The following LRRC75A variants were observed in gnomAD, a reference collection of about 807,000 sequenced individuals.
LRRC75A encodes the protein leucine rich repeat containing 75A, also known as leucine-rich repeat-containing protein 75A.
LRRC75A carries 12 observed loss-of-function variants against 26.0 expected under a neutral mutation model. That is an observed-to-expected ratio of 0.46 (90% confidence interval 0.30 to 0.75). The LOEUF is 0.75. Among genes scored for constraint, LRRC75A ranks in the 30% least tolerant of loss-of-function variants. LRRC75A has a pLI of 0.08. For missense variants in LRRC75A, 410 were observed against 486.6 expected (o/e 0.84, Z 1.48); for synonymous variants, 223 against 219.3 (o/e 1.02, Z -0.15).
At chr17:16,469,407 C>T (rs536651040) in intron 1 of LRRC75A, among the ~76,000 whole-genome samples, 1 of 152,188 alleles carries the variant, frequency 6.6e-6, no homozygotes, top group Non-Finnish European at 1.5e-5. Context: ...AGATCATTTT[C>T]AGAGGTCGGG....
intron 2 of LRRC75A, among the ~76,000 whole-genome samples, chr17:16,459,536 G>A (rs2143072876): frequency 6.6e-6 from 1 of 152,336 alleles, no homozygotes; most frequent in Non-Finnish European, 1.5e-5. Flanking sequence ...TGGGAGAGGG[G>A]AGCTCAAGAG....
chr17:16,449,733 C>T (rs1286333229), intron 2 of LRRC75A, among the ~76,000 whole-genome samples: 1 of 152,238 alleles, frequency 6.6e-6, no homozygotes, highest in Non-Finnish European at 1.5e-5. Flanking sequence ...TCTCCTGCCT[C>T]AGCCTCCCGA....
At chr17:16,455,748 A>C (rs777874227) in intron 2 of LRRC75A, among the ~76,000 whole-genome samples, 1 of 152,204 alleles carries the variant, frequency 6.6e-6, no homozygotes, top group South Asian at 2.1e-4. Flanking sequence ...AAAGAACTTA[A>C]ATAGATGGGC....
chr17:16,469,771 G>C (rs542978459), intron 1 of LRRC75A, among the ~76,000 whole-genome samples: 1 of 152,230 alleles, frequency 6.6e-6, no homozygotes, highest in Non-Finnish European at 1.5e-5. Flanking sequence ...CCACTGGCTG[G>C]CTGCACTGGA....
chr17:16,452,155 T>G (rs2093637109), intron 2 of LRRC75A, among the ~76,000 whole-genome samples: 1 of 101,038 alleles, frequency 9.9e-6, no homozygotes, highest in Non-Finnish European at 2.0e-5. Context: ...AGTTCAAGAC[T>G]ACCCTGGGCA....
chr17:16,444,042 G>A lies in LRRC75A; in HGVS notation c.581C>T (p.Thr194Ile), dbSNP rs1340735107. ...PLTSRDLERV[T>I]SYLQRCGEQV... is the part of the protein sequence containing the mutation. ...CTCCCCACAGCGCTGTAGGTAGCTG[G>A]TCACCCGCTCCAGGTCTCGGGAGGT... Residue 194 changes from threonine to isoleucine, a missense_variant, in exon 4 of 4, where the codon ACC (threonine) becomes ATC (isoleucine). By Grantham distance (89) the Thr-to-Ile change is moderately conservative. Coordinates refer to ENST00000470794, the MANE Select transcript of LRRC75A (RefSeq NM_001113567.3). 1.2e-6 allele frequency: 2 copies of A among 1,613,486 alleles called. No individual in the cohort carries two copies. The highest frequency in any genetic ancestry group is 2.7e-5 in the African/African-American group (2 of 74,900).
intron 1 of LRRC75A, chr17:16,464,036 G>A (rs2093748759): frequency 6.6e-6 from 1 of 152,302 alleles, no homozygotes; most frequent in Non-Finnish European, 1.5e-5. Flanking sequence ...AGCCTCTTGT[G>A]GGGAGCCCCT....
intron 2 of LRRC75A, among the ~76,000 whole-genome samples, chr17:16,458,255 C>T (rs1313509536): frequency 1.3e-5 from 2 of 151,226 alleles, no homozygotes; most frequent in African/African-American, 2.4e-5. Flanking sequence ...TGCAGCGAGT[C>T]GAGATTGCGC....
chr17:16,480,755 G>A (rs959937431), intron 1 of LRRC75A, among the ~76,000 whole-genome samples: 1 of 152,140 alleles, frequency 6.6e-6, no homozygotes, highest in Non-Finnish European at 1.5e-5. Context: ...CTGCTACAGG[G>A]AAGGGGCAGC....
At position 16,443,816 on chromosome 17, in the gene LRRC75A, G is replaced by C. The variant is rs1053166631; in HGVS notation, c.807C>G (p.Gly269=). The change falls in exon 4 of 4, where the codon GGC becomes GGG. Residue 269 remains glycine (G), a synonymous_variant. Transcript: ENST00000470794. The stretch of plus-strand genomic sequence containing the variant: ...GCAAGGAGAAGATGTCCACGTTGTT[G>C]CCCAGGTCAATCCACGTGACATTGG... ...KFPNVTWIDL[G]NNVDIFSLPQ... 3 of 1,614,030 alleles carry C rather than the reference G, an allele frequency of 1.9e-6. No homozygotes were observed. The highest frequency in any genetic ancestry group is 3.3e-5 in the Admixed American group (2 of 60,028).
chr17:16,455,710 C>T lies in LRRC75A; in HGVS notation c.375+6548G>A, dbSNP rs752648233. Among the ~76,000 whole-genome samples, 5 of 152,132 alleles carry T rather than the reference C, an allele frequency of 3.3e-5. No individual in the cohort carries two copies. In the East Asian group the frequency reaches 5.8e-4, roughly 18 times the overall value. On this transcript the variant is annotated intron_variant, in intron 2 of 3. Transcript: ENST00000470794. ...ATGAGACAGGTATTATTAATAACCC[C>T]GCTTTACAAATGAGGGAACTGAGGC...
At chr17:16,480,433 C>A (rs1019604190) in intron 1 of LRRC75A, among the ~76,000 whole-genome samples, 2 of 152,036 alleles carry the variant, frequency 1.3e-5, no homozygotes, top group African/African-American at 4.8e-5. Context: ...AGTTCGAGAC[C>A]AGCCTGAGCA....
chr17:16,484,060 G>C (rs367744480), intron 1 of LRRC75A, among the ~76,000 whole-genome samples: 1 of 152,044 alleles, frequency 6.6e-6, no homozygotes, highest in East Asian at 1.9e-4. Flanking sequence ...TAATGAGGCC[G>C]GGTACAGTGG....
intron 1 of LRRC75A, among the ~76,000 whole-genome samples, chr17:16,465,451 G>A (rs534436953): frequency 1.2e-4 from 18 of 152,254 alleles, no homozygotes; most frequent in Non-Finnish European, 2.2e-4. Context: ...GGCTGCGGTA[G>A]ACGAGAGAGG....
chr17:16,443,572 GCCCTT>G lies in LRRC75A; in HGVS notation c.*11_*15del. ...TACCCAACAAGGACTCCCTGGTGAG[GCCCTT>G]CACTTCCATGTCACGTCTGAGCTGC... On this transcript the variant is annotated 3_prime_UTR_variant, in exon 4 of 4. Coordinates refer to ENST00000470794, the MANE Select transcript of LRRC75A (RefSeq NM_001113567.3). 1 of 1,498,356 alleles carries G rather than the reference GCCCTT, an allele frequency of 6.7e-7. No individual in the cohort carries two copies. The highest frequency in any genetic ancestry group is 9.0e-7 in the Non-Finnish European group (1 of 1,115,314). 92.8% of individuals were successfully genotyped at this position (1,498,356 alleles called of 1,614,324 possible).
At chr17:16,482,572 G>C (rs543175772) in intron 1 of LRRC75A, among the ~76,000 whole-genome samples, 1 of 152,322 alleles carries the variant, frequency 6.6e-6, no homozygotes, top group African/African-American at 2.4e-5. Flanking sequence ...CTTCCCACAG[G>C]TCCTGGGCCT....
intron 3 of LRRC75A, among the ~76,000 whole-genome samples, chr17:16,444,978 A>G (rs2093569318): frequency 6.7e-6 from 1 of 150,208 alleles, no homozygotes; most frequent in South Asian, 2.1e-4. Flanking sequence ...CTTCCTGAGT[A>G]GCTGGGATTA....
chr17:16,480,428 G>A (rs1177613878), intron 1 of LRRC75A, among the ~76,000 whole-genome samples: 3 of 151,986 alleles, frequency 2.0e-5, no homozygotes, highest in African/African-American at 7.3e-5. Flanking sequence ...TCAGGAGTTC[G>A]AGACCAGCCT....
intron 1 of LRRC75A, among the ~76,000 whole-genome samples, chr17:16,475,367 T>C (rs975791525): frequency 2.0e-5 from 3 of 152,096 alleles, no homozygotes; most frequent in African/African-American, 4.8e-5. Context: ...TTGGCTCACA[T>C]GATTGTGGGG....
Sources: allele counts gnomAD v4.1 joint callset (sites outside exome capture counted in the v4.1 genomes callset), GRCh38; gene constraint gnomAD v4.1.1; transcripts MANE v1.5; gene names NCBI Gene and HGNC (gene_info 2026-07-23, HGNC 2026-07-21).